Variants in PRICKLE2 observed in about 807,000 individuals in gnomAD.
PRICKLE2 encodes the protein prickle planar cell polarity protein 2.
In PRICKLE2, 21 loss-of-function variants were observed where a neutral mutation model predicts 81.4. The ratio of observed to expected loss-of-function variants is 0.26; its 90% CI spans 0.18 to 0.37. PRICKLE2 has a LOEUF of 0.37. Ranked by LOEUF, PRICKLE2 falls within the 10% of genes least tolerant of loss-of-function variation. PRICKLE2 has a pLI of 1.00. For missense variants in PRICKLE2, 940 were observed against 1,109.0 expected (o/e 0.85, Z 2.16); for synonymous variants, 456 against 421.5 (o/e 1.08, Z -1.00).
chr3:64,179,180 G>A (rs939618921), intron 2 of PRICKLE2, among the ~76,000 whole-genome samples: 1 of 151,888 alleles, frequency 6.6e-6, no homozygotes, highest in Non-Finnish European at 1.5e-5. Context: ...GGGTTCAAGT[G>A]ATTCTCCTGC....
chr3:64,227,052 G>C (rs1467176716), upstream of PRICKLE2, among the ~76,000 whole-genome samples: 1 of 152,212 alleles, frequency 6.6e-6, no homozygotes, highest in Non-Finnish European at 1.5e-5. Flanking sequence ...TGTTGGATGT[G>C]GGGAAGTTAA....
In PRICKLE2 at chr3:64,099,837, C is replaced by T; in HGVS notation, c.1749G>A (p.Val583=). 6.2e-7 allele frequency: 1 copy of T among 1,614,204 alleles called. No individual in the cohort carries two copies. Among genetic ancestry groups the T allele is most frequent in the Non-Finnish European group, 8.5e-7 (1 of 1,180,032 alleles). Reference sequence around the variant, plus strand: ...TGCCCATGTTGCTCAGCTTCTCAGACACATTCATTCCAGAGTCTTTGCTGA... The same window carrying T: ...TGCCCATGTTGCTCAGCTTCTCAGATACATTCATTCCAGAGTCTTTGCTGA... ...PDLSKDSGMN[V]SEKLSNMGTL... The change falls in exon 8 of 8, where the codon GTG becomes GTA. Residue 583 remains valine (V), a synonymous_variant. Coordinates refer to ENST00000638394, the MANE Select transcript of PRICKLE2 (RefSeq NM_198859.4). The surrounding 1 kb of genome is among the most constrained non-coding windows in gnomAD (Gnocchi z 4.3).
intron 7 of PRICKLE2, among the ~76,000 whole-genome samples, chr3:64,112,940 AG>A (rs1321061602): frequency 2.0e-5 from 3 of 149,496 alleles, no homozygotes; most frequent in African/African-American, 4.9e-5. Flanking sequence ...CTTCAGAAGG[AG>A]GGCACTGAGA....
At position 64,258,844 on chromosome 3, in the gene PRICKLE2, A is replaced by AAAAGAAAGAAAG. The variant is rs1553663505; in HGVS notation, c.129-59878_129-59877insCTTTCTTTCTTT. Among the ~76,000 whole-genome samples the AAAAGAAAGAAAG allele has an allele frequency of 5.9e-4, 50 of 84,176 alleles. 1 individual carries two copies. The highest frequency in any genetic ancestry group is 2.0e-3 in the African/African-American group (46 of 22,908). The allele number at this position is 84,176 out of a possible 152,430, so 55.2% of individuals were successfully genotyped here. On this transcript the variant is annotated intron_variant, in intron 2 of 8. Transcript: ENST00000295902. ...GTCTCAAAAAAAAAAAAAAAAAAAA[A>AAAAGAAAGAAAG]AAAAGAAAGAAAGAAAGAAAGAAAG...
intron 1 of PRICKLE2, among the ~76,000 whole-genome samples, chr3:64,213,417 A>G (rs1193282216): frequency 6.6e-6 from 1 of 152,236 alleles, no homozygotes; most frequent in Non-Finnish European, 1.5e-5. Context: ...TAAGGCAGAC[A>G]GGTTAGACAG....
intron 1 of PRICKLE2, among the ~76,000 whole-genome samples, chr3:64,209,687 A>G (rs1461126474): frequency 6.6e-6 from 1 of 152,238 alleles, no homozygotes; most frequent in Non-Finnish European, 1.5e-5. Flanking sequence ...GCACTGCACT[A>G]AGATGCTGGG....
At position 64,198,952 on chromosome 3, in the gene PRICKLE2, GTGCAGGCAGATCTTCC is replaced by G. The variant is rs777863174; in HGVS notation, c.-40-1_-26del. The G allele has an allele frequency of 6.2e-7, 1 of 1,613,972 alleles. No homozygotes were observed. The highest frequency in any genetic ancestry group is 1.1e-5 in the South Asian group (1 of 91,076). On this transcript the variant is annotated splice_acceptor_variant and 5_prime_UTR_variant, in exon 2 of 8. Transcript: ENST00000638394. LOFTEE classifies it low-confidence loss of function (5UTR_SPLICE). ...TGTGCTCCTCCTGGGGACACTTGCA[GTGCAGGCAGATCTTCC>G]TGCAGGCAGTAAAGGTAGAAGGTGA...
At chr3:64,173,306 C>T (rs1286250787) in intron 2 of PRICKLE2, among the ~76,000 whole-genome samples, 3 of 152,142 alleles carry the variant, frequency 2.0e-5, no homozygotes, top group Non-Finnish European at 4.4e-5. Context: ...GTGATGTCAT[C>T]GGATGTGGAA....
chr3:64,176,234 G>T (rs112214650), intron 2 of PRICKLE2, among the ~76,000 whole-genome samples: 4 of 152,148 alleles, frequency 2.6e-5, no homozygotes, highest in Non-Finnish European at 5.9e-5. Context: ...ATACAATCAG[G>T]TTCCGTTATT....
chr3:64,179,243 AT>A (rs1253575945), intron 2 of PRICKLE2, among the ~76,000 whole-genome samples: 1 of 151,640 alleles, frequency 6.6e-6, no homozygotes, highest in Non-Finnish European at 1.5e-5. Context: ...TGCCTGGCTA[AT>A]TTCGTATTTT....
intron 7 of PRICKLE2, chr3:64,100,265 A>T (rs1390724993): frequency 3.2e-6 from 1 of 313,508 alleles, no homozygotes; most frequent in Non-Finnish European, 6.0e-6. Flanking sequence ...AAGTACTTTA[A>T]TTACATTTTT....
At chr3:64,195,049 T>C (rs2078424098) in intron 2 of PRICKLE2, among the ~76,000 whole-genome samples, 1 of 151,906 alleles carries the variant, frequency 6.6e-6, no homozygotes, top group Non-Finnish European at 1.5e-5. Flanking sequence ...CTTAAAAAAA[T>C]AAAAATAAAC....
chr3:64,243,970 GT>G (rs2079308259), intron 2 of PRICKLE2, among the ~76,000 whole-genome samples: 3 of 152,124 alleles, frequency 2.0e-5, no homozygotes, highest in Non-Finnish European at 4.4e-5. Context: ...TGTCATAATT[GT>G]TAGTATTCCA....
intron 2 of PRICKLE2, among the ~76,000 whole-genome samples, chr3:64,258,968 G>C (rs1409508762): frequency 6.6e-6 from 1 of 151,938 alleles, no homozygotes; most frequent in Non-Finnish European, 1.5e-5. Flanking sequence ...TTTATTTCTT[G>C]ATTCTGTGTG....
rs2076561818 is a variant in PRICKLE2, at chr3:64,095,619, G to A, written c.*3432C>T. 6.6e-6 allele frequency: 1 copy of A among 152,176 alleles called. No individual in the cohort carries two copies. The highest frequency in any genetic ancestry group is 2.4e-5 in the African/African-American group (1 of 41,430). 9.4% of individuals were successfully genotyped at this position (152,176 alleles called of 1,614,324 possible). On this transcript the variant is annotated 3_prime_UTR_variant, in exon 8 of 8. Transcript: ENST00000638394. ...AACAATAGCTAGTAGTACCCAAGAA[G>A]CAGAAAGCTGCTGCAGAAGGAAGAA...
At chr3:64,261,090 A>T (rs1418257184) in intron 2 of PRICKLE2, among the ~76,000 whole-genome samples, 9 of 152,068 alleles carry the variant, frequency 5.9e-5, no homozygotes, top group Admixed American at 3.9e-4. Flanking sequence ...ATAATGTCTC[A>T]CTCCAAGGGG....
At chr3:64,187,996 C>G (rs917322313) in intron 2 of PRICKLE2, among the ~76,000 whole-genome samples, 1 of 152,194 alleles carries the variant, frequency 6.6e-6, no homozygotes, top group Non-Finnish European at 1.5e-5. Flanking sequence ...TTTCCTTTAA[C>G]AATCAGCCTT....
intron 3 of PRICKLE2, among the ~76,000 whole-genome samples, chr3:64,162,671 G>C (rs1032497856): frequency 6.6e-6 from 1 of 152,218 alleles, no homozygotes; most frequent in African/African-American, 2.4e-5. Flanking sequence ...GGGGATCTCA[G>C]TCATCTCTCC....
At chr3:64,236,689 G>A (rs1304275550) in intron 2 of PRICKLE2, among the ~76,000 whole-genome samples, 2 of 152,164 alleles carry the variant, frequency 1.3e-5, no homozygotes, top group African/African-American at 4.8e-5. Context: ...AACTCACCCT[G>A]GTATTAGAAT....
Sources: gnomAD v4.1 joint callset for allele counts (sites outside exome capture counted in the v4.1 genomes callset) on GRCh38, gnomAD v4.1.1 for gene constraint, Gnocchi (gnomAD v3.1) non-coding constraint, MANE v1.5 for transcripts, NCBI Gene and HGNC (gene_info 2026-07-23, HGNC 2026-07-21) for gene names.